Variants in PPARGC1A observed in about 807,000 individuals in gnomAD.
The protein encoded by PPARGC1A is peroxisome proliferator-activated receptor gamma coactivator 1-alpha.
Under a neutral mutation model 88.7 loss-of-function variants are expected in PPARGC1A, and 25 were observed. That is an observed-to-expected ratio of 0.28 (90% CI 0.21 to 0.39). The LOEUF (loss-of-function observed/expected upper bound fraction) is 0.39. Among genes scored for constraint, PPARGC1A ranks in the 10% least tolerant of loss-of-function variants. PPARGC1A has a pLI of 1.00. For synonymous variants in PPARGC1A, 363 were observed against 355.6 expected (o/e 1.02, Z -0.24); for missense variants, 880 against 968.7 (o/e 0.91, Z 1.22).
chr4:24,278,170 A>C, the PPARGC1A span, among the ~76,000 whole-genome samples: 2 of 152,046 alleles, frequency 1.3e-5, no homozygotes, highest in African/African-American at 4.8e-5. Flanking sequence ...CTGTCTCCAA[A>C]AAAAAATAAA....
At chr4:24,022,718 G>T in the PPARGC1A span, among the ~76,000 whole-genome samples, 8 of 152,312 alleles carry the variant, frequency 5.3e-5, no homozygotes, top group South Asian at 2.1e-4. Flanking sequence ...GGGCAATAAG[G>T]ATAGGGATCG....
the PPARGC1A span, among the ~76,000 whole-genome samples, chr4:24,153,456 C>T: frequency 7.0e-6 from 1 of 142,856 alleles, no homozygotes; most frequent in Non-Finnish European, 1.6e-5. Flanking sequence ...CAGTGTTCCT[C>T]TAGGATTTCT....
At chr4:24,089,816 G>A in the PPARGC1A span, among the ~76,000 whole-genome samples, 1 of 152,040 alleles carries the variant, frequency 6.6e-6, no homozygotes, top group South Asian at 2.1e-4. Flanking sequence ...GGCCTAGGAC[G>A]CCTTTTTTCT....
At chr4:24,026,101 CT>C in the PPARGC1A span, among the ~76,000 whole-genome samples, 1 of 152,154 alleles carries the variant, frequency 6.6e-6, no homozygotes, top group Admixed American at 6.5e-5. Flanking sequence ...AGAAAACTGG[CT>C]TCTTTAGAAA....
chr4:24,202,984 C>T, the PPARGC1A span, among the ~76,000 whole-genome samples: 2 of 152,136 alleles, frequency 1.3e-5, no homozygotes, highest in African/African-American at 4.8e-5. Context: ...GGGGTGTCTG[C>T]CACTCGCCAG....
chr4:23,840,132 T>C (rs1726800103), intron 2 of PPARGC1A, among the ~76,000 whole-genome samples: 1 of 152,088 alleles, frequency 6.6e-6, no homozygotes, highest in Admixed American at 6.6e-5. Flanking sequence ...TGGCTTCTCA[T>C]GTCTCTAAGA....
At chr4:23,925,891 G>T in the PPARGC1A span, among the ~76,000 whole-genome samples, 1 of 152,114 alleles carries the variant, frequency 6.6e-6, no homozygotes, top group Non-Finnish European at 1.5e-5. Context: ...TCTAGTCAAG[G>T]CAGTTCCCAT....
At chr4:24,280,703 G>T in the PPARGC1A span, among the ~76,000 whole-genome samples, 4 of 152,132 alleles carry the variant, frequency 2.6e-5, no homozygotes, top group Admixed American at 2.6e-4. Context: ...TTTTTTAGTG[G>T]ACTTAATCTC....
At chr4:24,382,296 C>T in the PPARGC1A span, among the ~76,000 whole-genome samples, 7 of 152,206 alleles carry the variant, frequency 4.6e-5, no homozygotes, top group East Asian at 1.3e-3. Flanking sequence ...ATTATACGTA[C>T]AAACCAAAAA....
At chr4:24,393,364 T>C in the PPARGC1A span, among the ~76,000 whole-genome samples, 1 of 147,518 alleles carries the variant, frequency 6.8e-6, no homozygotes, top group Non-Finnish European at 1.5e-5. Context: ...CGGAGATAGA[T>C]TGAGAAACGG....
At chr4:24,260,232 G>A in the PPARGC1A span, among the ~76,000 whole-genome samples, 1 of 152,214 alleles carries the variant, frequency 6.6e-6, no homozygotes, top group African/African-American at 2.4e-5. Context: ...GTGCATGTCT[G>A]TCTACGTCTA....
the PPARGC1A span, among the ~76,000 whole-genome samples, chr4:24,464,499 G>A: frequency 1.3e-5 from 2 of 152,214 alleles, no homozygotes; most frequent in African/African-American, 2.4e-5. Flanking sequence ...AGCAGAATGT[G>A]TAGGGGTTGT....
chr4:24,225,543 A>G, the PPARGC1A span, among the ~76,000 whole-genome samples: 2 of 149,042 alleles, frequency 1.3e-5, no homozygotes, highest in Non-Finnish European at 3.0e-5. Context: ...AAAAAAACAC[A>G]CACACACACA....
chr4:24,388,568 C>A, the PPARGC1A span, among the ~76,000 whole-genome samples: 2 of 152,130 alleles, frequency 1.3e-5, no homozygotes, highest in African/African-American at 4.8e-5. Context: ...TTGGAACCAA[C>A]CCAAATGCCC....
intron 1 of PPARGC1A, among the ~76,000 whole-genome samples, chr4:23,895,882 T>G (rs561740937): frequency 6.6e-6 from 1 of 151,710 alleles, no homozygotes; most frequent in South Asian, 2.1e-4. Context: ...ATTGAAAACT[T>G]GAATGCAATG....
the PPARGC1A span, among the ~76,000 whole-genome samples, chr4:24,319,298 T>C: frequency 6.6e-6 from 1 of 152,178 alleles, no homozygotes; most frequent in Non-Finnish European, 1.5e-5. Context: ...GCCATGGTTA[T>C]ACAATTCAAC....
At chr4:23,992,642 CT>C in the PPARGC1A span, among the ~76,000 whole-genome samples, 1 of 145,184 alleles carries the variant, frequency 6.9e-6, no homozygotes, top group Non-Finnish European at 1.5e-5. Flanking sequence ...TTAATCGTAC[CT>C]TTTGACAAGC....
the PPARGC1A span, among the ~76,000 whole-genome samples, chr4:24,078,702 G>A: frequency 2.0e-5 from 3 of 152,132 alleles, no homozygotes; most frequent in East Asian, 5.8e-4. Context: ...TCACCTACAA[G>A]CTTAAATTTC....
the PPARGC1A span, among the ~76,000 whole-genome samples, chr4:24,451,224 T>A: frequency 6.6e-6 from 1 of 152,212 alleles, no homozygotes; most frequent in African/African-American, 2.4e-5. Context: ...TTGTACTGTG[T>A]CTTATTGACT....
Sources: allele counts gnomAD v4.1 joint callset (sites outside exome capture counted in the v4.1 genomes callset), GRCh38; gene constraint gnomAD v4.1.1; transcripts MANE v1.5; gene names NCBI Gene and HGNC (gene_info 2026-07-23, HGNC 2026-07-21).